PDE4B: variants seen among roughly 807,000 people sequenced by gnomAD.
The protein encoded by PDE4B is phosphodiesterase 4B.
A neutral mutation model predicts 82.2 loss-of-function variants in PDE4B; 20 were observed. That is an observed-to-expected ratio of 0.24 (90% CI 0.17 to 0.35). PDE4B has a LOEUF of 0.35. Among genes scored for constraint, PDE4B ranks in the 10% least tolerant of loss-of-function variants. PDE4B has a pLI of 1.00. For missense variants in PDE4B, 655 were observed against 907.2 expected (o/e 0.72, Z 3.57); for synonymous variants, 320 against 318.9 (o/e 1.00, Z -0.04).
At chr1:66,053,516 A>G (rs1655145049) in intron 3 of PDE4B, among the ~76,000 whole-genome samples, 1 of 152,204 alleles carries the variant, frequency 6.6e-6, no homozygotes, top group African/African-American at 2.4e-5. Flanking sequence ...AGTACAATGA[A>G]ACACAGAGAG....
At chr1:66,033,025 C>A (rs1001447107) in intron 3 of PDE4B, among the ~76,000 whole-genome samples, 1 of 152,134 alleles carries the variant, frequency 6.6e-6, no homozygotes, top group African/African-American at 2.4e-5. Context: ...TTCTCTTCTT[C>A]CTTGCTTCTA....
chr1:65,902,755 A>C (rs1400888779), intron 1 of PDE4B, among the ~76,000 whole-genome samples: 1 of 152,196 alleles, frequency 6.6e-6, no homozygotes, highest in Non-Finnish European at 1.5e-5. Context: ...ATAAATGCCC[A>C]AGTACATGAC....
intron 3 of PDE4B, among the ~76,000 whole-genome samples, chr1:66,242,500 AG>A (rs1309883060): frequency 6.6e-6 from 1 of 152,226 alleles, no homozygotes; most frequent in African/African-American, 2.4e-5. Context: ...AGAATGACTA[AG>A]TTGCGAAAGA....
In PDE4B at chr1:66,018,909, T is replaced by C. The variant is rs140997271; in HGVS notation, c.281+100074T>C. Reference sequence around the variant, plus strand: ...CCTGAGGATAAAGTACTACAAGATATAATAACTACCATAATTTTATATTTT... The same window carrying C: ...CCTGAGGATAAAGTACTACAAGATACAATAACTACCATAATTTTATATTTT... On this transcript the variant is annotated intron_variant, in intron 3 of 16. Coordinates refer to ENST00000341517, the MANE Select transcript of PDE4B (RefSeq NM_002600.4). 3.0e-3 allele frequency among the ~76,000 whole-genome samples: 452 copies of C among 152,330 alleles called. 3 individuals are homozygous for C. The highest frequency in any genetic ancestry group is 0.01 in the African/African-American group (425 of 41,580).
chr1:66,189,090 T>A (rs1557620562), intron 3 of PDE4B, among the ~76,000 whole-genome samples: 1 of 151,878 alleles, frequency 6.6e-6, no homozygotes, highest in African/African-American at 2.4e-5. Context: ...CCTTCACTTA[T>A]GAAGCTTAGT....
intron 1 of PDE4B, among the ~76,000 whole-genome samples, chr1:65,817,966 C>G (rs1446658891): frequency 6.6e-6 from 1 of 152,032 alleles, no homozygotes; most frequent in Admixed American, 6.6e-5. Flanking sequence ...TTTCTTTTAT[C>G]AGATACAAAT....
intron 1 of PDE4B, among the ~76,000 whole-genome samples, chr1:65,808,169 C>CTTT (rs920861530): frequency 3.1e-5 from 4 of 128,980 alleles, no homozygotes; most frequent in East Asian, 2.2e-4. Flanking sequence ...TAGACAAACA[C>CTTT]TTTTTTTTTT....
At chr1:66,110,228 A>C (rs1205866897) in intron 3 of PDE4B, among the ~76,000 whole-genome samples, 13 of 151,996 alleles carry the variant, frequency 8.6e-5, no homozygotes, top group Non-Finnish European at 1.6e-4. Context: ...TGAGGGAATA[A>C]TAACCAATGG....
At chr1:66,231,085 A>T (rs1274310763) in intron 3 of PDE4B, among the ~76,000 whole-genome samples, 1 of 152,106 alleles carries the variant, frequency 6.6e-6, no homozygotes, top group African/African-American at 2.4e-5. Flanking sequence ...TGGCAAACGA[A>T]ATGAATATTA....
chr1:65,811,647 T>G (rs1332801202), intron 1 of PDE4B, among the ~76,000 whole-genome samples: 2 of 152,162 alleles, frequency 1.3e-5, no homozygotes, highest in Non-Finnish European at 2.9e-5. Context: ...ATCCCTCCTG[T>G]GGATAATGTG....
At chr1:65,916,770 A>G (rs1647165154) in intron 2 of PDE4B, among the ~76,000 whole-genome samples, 1 of 151,992 alleles carries the variant, frequency 6.6e-6, no homozygotes, top group African/African-American at 2.4e-5. Flanking sequence ...GCACACACAC[A>G]TACACACACA....
chr1:66,041,829 T>TACACACACAC lies in PDE4B; in HGVS notation c.281+123004_281+123013dup, dbSNP rs58537930. ...ACACACACACACACACACACACACA[T>TACACACACAC]ACACACACACACACACACAGAATAC... On this transcript the variant is annotated intron_variant, in intron 3 of 16. Transcript: ENST00000341517. Among the ~76,000 whole-genome samples, 413 of 145,708 alleles carry TACACACACAC rather than the reference T, an allele frequency of 2.8e-3. 2 individuals are homozygous for TACACACACAC. The highest frequency in any genetic ancestry group is 9.8e-3 in the African/African-American group (390 of 39,832).
chr1:66,351,575 G>A (rs916639824), intron 8 of PDE4B, among the ~76,000 whole-genome samples: 2 of 152,180 alleles, frequency 1.3e-5, no homozygotes, highest in African/African-American at 4.8e-5. Context: ...GTCATGTAGA[G>A]GGAGTTTTGT....
At chr1:66,289,999 T>G (rs891702790) in intron 7 of PDE4B, among the ~76,000 whole-genome samples, 2 of 152,144 alleles carry the variant, frequency 1.3e-5, no homozygotes, top group Admixed American at 6.6e-5. Context: ...CTTGAACCAC[T>G]GAGTGAGTAT....
chr1:65,949,745 C>CCTCACTTGATACCTTT (rs1553124231), intron 3 of PDE4B, among the ~76,000 whole-genome samples: 1 of 152,016 alleles, frequency 6.6e-6, no homozygotes, highest in Admixed American at 6.6e-5. Context: ...AAGATACCTG[C>CCTCACTTGATACCTTT]CTCACTTGAT....
intron 3 of PDE4B, 129 bp from the exon 4 acceptor site, chr1:66,247,331 T>C (rs1653392218): frequency 7.7e-6 from 4 of 522,342 alleles, no homozygotes; most frequent in Non-Finnish European, 1.4e-5. Flanking sequence ...ATGAAAACTT[T>C]CCATAGTACA....
intron 7 of PDE4B, among the ~76,000 whole-genome samples, chr1:66,322,716 CAG>C (rs1659495302): frequency 6.6e-6 from 1 of 151,340 alleles, no homozygotes; most frequent in Admixed American, 6.6e-5. Context: ...GTGTTGAAAC[CAG>C]TAGGTTTCAA....
chr1:65,962,309 G>A (rs368365248), intron 3 of PDE4B, among the ~76,000 whole-genome samples: 4 of 152,078 alleles, frequency 2.6e-5, no homozygotes, highest in Non-Finnish European at 5.9e-5. Context: ...GTAAGTTGGG[G>A]ACCATCTGCA....
chr1:66,297,476 G>T (rs1657592606), intron 7 of PDE4B, among the ~76,000 whole-genome samples: 1 of 152,028 alleles, frequency 6.6e-6, no homozygotes, highest in African/African-American at 2.4e-5. Context: ...TCTTAAAGAA[G>T]CCAGGCCAAA....
Sources: allele counts gnomAD v4.1 joint callset (sites outside exome capture counted in the v4.1 genomes callset), GRCh38; gene constraint gnomAD v4.1.1; transcripts MANE v1.5; gene names NCBI Gene and HGNC (gene_info 2026-07-23, HGNC 2026-07-21).